Variants in LRP1B observed in about 807,000 individuals in gnomAD.
The protein encoded by LRP1B is LDL receptor related protein 1B, also known as low-density lipoprotein receptor-related protein 1B.
A neutral mutation model predicts 556.6 loss-of-function variants in LRP1B; 217 were observed. The ratio of observed to expected loss-of-function variants is 0.39; its 90% confidence interval spans 0.35 to 0.44. LRP1B has a LOEUF of 0.44. Ranked by LOEUF, LRP1B falls within the 20% of genes least tolerant of loss-of-function variation. The pLI is 1.00. For synonymous variants in LRP1B, 2,047 were observed against 1,865.8 expected (o/e 1.10, Z -2.50); for missense variants, 5,053 against 5,620.8 (o/e 0.90, Z 3.23).
chr2:141,038,587 C>T (rs749319859), intron 11 of LRP1B, among the ~76,000 whole-genome samples: 175 of 152,152 alleles, frequency 1.2e-3, no homozygotes, highest in Non-Finnish European at 1.9e-3. Flanking sequence ...TAGCTAGTGT[C>T]GTGGGAGTTT....
chr2:140,413,349 TTAA>T (rs1685044414), intron 66 of LRP1B, among the ~76,000 whole-genome samples: 1 of 152,204 alleles, frequency 6.6e-6, no homozygotes, highest in Non-Finnish European at 1.5e-5. Flanking sequence ...CTGCCAATGT[TTAA>T]TAATGTTTGC....
intron 1 of LRP1B, among the ~76,000 whole-genome samples, chr2:142,032,111 G>C (rs996993947): frequency 6.6e-6 from 1 of 151,864 alleles, no homozygotes; most frequent in African/African-American, 2.4e-5. Context: ...CACTCAGTTA[G>C]TGATACTTGG....
At chr2:140,952,206 T>G (rs1402490825) in intron 18 of LRP1B, among the ~76,000 whole-genome samples, 1 of 152,174 alleles carries the variant, frequency 6.6e-6, no homozygotes, top group Admixed American at 6.5e-5. Context: ...ATTATACTGC[T>G]AGAAAAATGA....
At chr2:141,333,230 A>C (rs1687723166) in intron 3 of LRP1B, among the ~76,000 whole-genome samples, 1 of 152,138 alleles carries the variant, frequency 6.6e-6, no homozygotes, top group Admixed American at 6.5e-5. Context: ...GTAGTTACTC[A>C]ATAGGGGATA....
intron 6 of LRP1B, among the ~76,000 whole-genome samples, chr2:141,209,628 A>T (rs2105247921): frequency 6.6e-6 from 1 of 152,274 alleles, no homozygotes; most frequent in East Asian, 1.9e-4. Context: ...AATTTCACAA[A>T]CTCATTTGCC....
chr2:140,465,215 A>C (rs2105334296), intron 60 of LRP1B, among the ~76,000 whole-genome samples: 1 of 152,210 alleles, frequency 6.6e-6, no homozygotes, highest in Non-Finnish European at 1.5e-5. Context: ...CACACCTTTA[A>C]ATGACCACTA....
At chr2:140,444,103 T>C (rs150886007) in intron 65 of LRP1B, among the ~76,000 whole-genome samples, 1 of 152,172 alleles carries the variant, frequency 6.6e-6, no homozygotes, top group Non-Finnish European at 1.5e-5. Flanking sequence ...TTGTTCATGT[T>C]TGTCATAATT....
At chr2:141,660,313 A>G (rs138943295) in intron 2 of LRP1B, among the ~76,000 whole-genome samples, 1 of 152,222 alleles carries the variant, frequency 6.6e-6, no homozygotes, top group Non-Finnish European at 1.5e-5. Flanking sequence ...GGATTTGTGC[A>G]ACCCGTGGAG....
At chr2:142,085,412 G>GA (rs1227833217) in intron 1 of LRP1B, among the ~76,000 whole-genome samples, 2 of 152,144 alleles carry the variant, frequency 1.3e-5, no homozygotes, top group East Asian at 1.9e-4. Context: ...ATTGAAGGTA[G>GA]AAAATCTATC....
intron 29 of LRP1B, among the ~76,000 whole-genome samples, chr2:140,847,155 C>T (rs1437413866): frequency 2.0e-5 from 3 of 152,152 alleles, no homozygotes; most frequent in Admixed American, 6.6e-5. Context: ...TTACTAGAGC[C>T]ACTGTAACAG....
chr2:141,404,978 G>C (rs1227290318), intron 3 of LRP1B, among the ~76,000 whole-genome samples: 1 of 151,914 alleles, frequency 6.6e-6, no homozygotes, highest in African/African-American at 2.4e-5. Context: ...TGTAGTCCCA[G>C]CTACTCGGGA....
At chr2:140,992,165 T>G (rs1472158528) in intron 16 of LRP1B, among the ~76,000 whole-genome samples, 2 of 151,912 alleles carry the variant, frequency 1.3e-5, no homozygotes, top group African/African-American at 2.4e-5. Flanking sequence ...AAAAATTAAT[T>G]ATTTAGGAAG....
At chr2:140,328,322 G>A (rs998942192) in intron 79 of LRP1B, among the ~76,000 whole-genome samples, 3 of 151,810 alleles carry the variant, frequency 2.0e-5, no homozygotes, top group Non-Finnish European at 4.4e-5. Context: ...ACAGGATAAT[G>A]GAGCTAATTA....
intron 43 of LRP1B, among the ~76,000 whole-genome samples, chr2:140,576,884 T>C (rs1419400750): frequency 6.6e-6 from 1 of 152,198 alleles, no homozygotes; most frequent in African/African-American, 2.4e-5. Context: ...AGGCTTCCAT[T>C]AATGTTTGTT....
chr2:140,548,808 C>T (rs1680440523), intron 43 of LRP1B, among the ~76,000 whole-genome samples: 2 of 151,890 alleles, frequency 1.3e-5, no homozygotes, highest in South Asian at 2.1e-4. Flanking sequence ...GCCTGTAATC[C>T]CAGCTACTCA....
At chr2:141,205,984 C>T (rs947574937) in intron 6 of LRP1B, among the ~76,000 whole-genome samples, 7 of 152,056 alleles carry the variant, frequency 4.6e-5, no homozygotes, top group African/African-American at 1.7e-4. Flanking sequence ...TTGAGAGGAG[C>T]AAACCATAGA....
At chr2:140,760,325 C>A (rs2104913486) in intron 35 of LRP1B, among the ~76,000 whole-genome samples, 1 of 152,286 alleles carries the variant, frequency 6.6e-6, no homozygotes, top group Non-Finnish European at 1.5e-5. Context: ...TAAACATGCA[C>A]AGGGCATTGT....
chr2:141,199,348 T>C (rs1208467377), intron 6 of LRP1B, among the ~76,000 whole-genome samples: 1 of 152,186 alleles, frequency 6.6e-6, no homozygotes, highest in Non-Finnish European at 1.5e-5. Context: ...GGCTTTTATT[T>C]GTGTATTTTT....
chr2:140,614,306 C>A (rs72899791), intron 41 of LRP1B, among the ~76,000 whole-genome samples: 16,957 of 151,998 alleles, frequency 0.11, 1,021 homozygotes, highest in Middle Eastern at 0.15. Flanking sequence ...ATGCTATATC[C>A]TTCTCTTTAA....
Sources: allele counts gnomAD v4.1 joint callset (sites outside exome capture counted in the v4.1 genomes callset), GRCh38; gene constraint gnomAD v4.1.1; transcripts MANE v1.5; gene names NCBI Gene and HGNC (gene_info 2026-07-23, HGNC 2026-07-21).